DNAH11: variants seen among roughly 807,000 people sequenced by gnomAD.
DNAH11 encodes dynein axonemal heavy chain 11.
A neutral mutation model predicts 526.0 loss-of-function variants in DNAH11; 442 were observed. That is an observed-to-expected ratio of 0.84 (90% CI 0.78 to 0.91). The LOEUF is 0.91. DNAH11 is among the 40% of genes least tolerant of loss of function. The probability of loss-of-function intolerance (pLI) is 0.00; values close to 1 mark genes in which losing one functional copy is unlikely to be tolerated. For synonymous variants in DNAH11, 2,461 were observed against 1,935.9 expected (o/e 1.27, Z -7.12); for missense variants, 6,989 against 5,448.7 (o/e 1.28, Z -8.90).
At chr7:21,760,003 A>G (rs1405275287) in intron 54 of DNAH11, among the ~76,000 whole-genome samples, 1 of 152,200 alleles carries the variant, frequency 6.6e-6, no homozygotes, top group Non-Finnish European at 1.5e-5. Context: ...AGAATTTGAG[A>G]AAAGAGCACA....
intron 8 of DNAH11, among the ~76,000 whole-genome samples, chr7:21,576,546 A>G (rs1382702449): frequency 6.6e-6 from 1 of 152,210 alleles, no homozygotes; most frequent in Non-Finnish European, 1.5e-5. Context: ...CCTATCAAGC[A>G]AGTAAGTGGG....
chr7:21,803,832 T>C (rs974493479), intron 62 of DNAH11, among the ~76,000 whole-genome samples: 1 of 145,912 alleles, frequency 6.9e-6, no homozygotes, highest in South Asian at 2.2e-4. Context: ...GCTGTCATCA[T>C]TGAAGTCTGG....
chr7:21,827,556 C>T (rs149828330), intron 65 of DNAH11, among the ~76,000 whole-genome samples: 34 of 151,722 alleles, frequency 2.2e-4, no homozygotes, highest in Middle Eastern at 3.4e-3. Flanking sequence ...CTGTATTTTT[C>T]ATACAATTAT....
chr7:21,560,950 G>C, intron 4 of DNAH11, 121 bp from the exon 5 acceptor site: 1 of 651,648 alleles, frequency 1.5e-6, no homozygotes, highest in Non-Finnish European at 2.6e-6. Flanking sequence ...ATATAACTTT[G>C]AGTGTTAAAT....
intron 6 of DNAH11, among the ~76,000 whole-genome samples, chr7:21,566,139 A>G (rs1783657044): frequency 6.6e-6 from 1 of 152,204 alleles, no homozygotes; most frequent in Non-Finnish European, 1.5e-5. Flanking sequence ...TAACGTATGA[A>G]TCACAGAGGA....
intron 30 of DNAH11, among the ~76,000 whole-genome samples, chr7:21,674,456 C>T (rs1782781950): frequency 6.6e-6 from 1 of 151,886 alleles, no homozygotes; most frequent in Admixed American, 6.6e-5. Flanking sequence ...TGCCTCCCAG[C>T]TTCAAACAAT....
chr7:21,871,677 TA>T (rs2128037495), intron 73 of DNAH11, among the ~76,000 whole-genome samples: 1 of 152,332 alleles, frequency 6.6e-6, no homozygotes, highest in East Asian at 1.9e-4. Flanking sequence ...AACCTGTTAG[TA>T]AGCATGTAAA....
Position 21,639,088 on chromosome 7 carries a change from C to G in DNAH11, c.4944+23C>G, listed in dbSNP as rs547794818. 13 of 1,600,888 alleles carry G rather than the reference C, an allele frequency of 8.1e-6. No homozygotes were observed. In the East Asian group the frequency reaches 2.7e-4, roughly 33 times the overall value. On this transcript the variant is annotated intron_variant, in intron 28 of 81. Transcript: ENST00000409508. ...CAGGTAATATTTTTTTTGAAAGTCT[C>G]GTATTATACTGTGTTAGCTGAGGAA...
chr7:21,622,455 A>G (rs1786110778), intron 25 of DNAH11, among the ~76,000 whole-genome samples: 1 of 152,196 alleles, frequency 6.6e-6, no homozygotes, highest in South Asian at 2.1e-4. Context: ...TCTTCACAGA[A>G]TTGGAAAAAA....
chr7:21,701,090 C>G lies in DNAH11; in HGVS notation c.6181-1620C>G, dbSNP rs138863089. Reference sequence around the variant, plus strand: ...ATGTGCACATTCTGCACATGTGTCCCGAAACTTAAACAACAACAACAACAA... The same window carrying G: ...ATGTGCACATTCTGCACATGTGTCCGGAAACTTAAACAACAACAACAACAA... On this transcript the variant is annotated intron_variant, in intron 36 of 81. Transcript: ENST00000409508. Among the ~76,000 whole-genome samples the G allele has an allele frequency of 5.3e-5, 8 of 151,804 alleles. No homozygotes were observed. The East Asian group carries it at 1.6e-3, about 30-fold the overall frequency.
At chr7:21,875,866 G>A (rs1317648381) in intron 74 of DNAH11, among the ~76,000 whole-genome samples, 2 of 147,184 alleles carry the variant, frequency 1.4e-5, no homozygotes. Context: ...GAACTTCAAG[G>A]AAGAATATTT....
At chr7:21,615,293 ACATGCTTTTT>A in intron 21 of DNAH11, 21 bp downstream of exon 21, 1 of 1,605,550 alleles carries the variant, frequency 6.2e-7, no homozygotes, top group Non-Finnish European at 8.5e-7. Context: ...CTTTTTCAAA[ACATGCTTTTT>A]ATTTAGTAGT....
At chr7:21,722,487 A>G (rs1324759179) in intron 44 of DNAH11, among the ~76,000 whole-genome samples, 1 of 152,144 alleles carries the variant, frequency 6.6e-6, no homozygotes, top group Non-Finnish European at 1.5e-5. Context: ...TGGTTTGTTC[A>G]CTGTAGATCA....
intron 43 of DNAH11, 72 bp downstream of exon 43, chr7:21,717,997 G>A (rs1784729229): frequency 2.0e-6 from 3 of 1,513,750 alleles, no homozygotes; most frequent in African/African-American, 2.8e-5. Context: ...GACAACAGAA[G>A]ATCTTGCCTT....
chr7:21,790,030 C>G (rs80166921), intron 61 of DNAH11, among the ~76,000 whole-genome samples: 1,972 of 151,056 alleles, frequency 0.013, 34 homozygotes, highest in African/African-American at 0.04. Context: ...AGGTATTAAG[C>G]CTGTCATTCA....
intron 26 of DNAH11, among the ~76,000 whole-genome samples, chr7:21,637,404 T>G (rs750320232): frequency 1.3e-5 from 2 of 152,218 alleles, no homozygotes; most frequent in Non-Finnish European, 2.9e-5. Flanking sequence ...TTTATTTTTA[T>G]AAAAACGGTG....
intron 5 of DNAH11, among the ~76,000 whole-genome samples, chr7:21,561,705 A>T (rs564660383): frequency 6.6e-6 from 1 of 152,182 alleles, no homozygotes; most frequent in Non-Finnish European, 1.5e-5. Context: ...AAGTCTTCTC[A>T]CCATCCTTGT....
chr7:21,847,225 T>A (rs973260225), intron 66 of DNAH11, among the ~76,000 whole-genome samples: 1 of 152,166 alleles, frequency 6.6e-6, no homozygotes, highest in Non-Finnish European at 1.5e-5. Context: ...CAAGCTTGCT[T>A]TAGGTTCACA....
intron 37 of DNAH11, 66 bp from the exon 38 acceptor site, chr7:21,704,368 T>A: frequency 1.4e-6 from 2 of 1,448,996 alleles, no homozygotes; most frequent in African/African-American, 1.4e-5. Context: ...ATAACAAACA[T>A]CTTTAGTTTT....
Sources: allele counts gnomAD v4.1 joint callset (sites outside exome capture counted in the v4.1 genomes callset), GRCh38; gene constraint gnomAD v4.1.1; transcripts MANE v1.5; gene names NCBI Gene and HGNC (gene_info 2026-07-23, HGNC 2026-07-21).